PIK3C3: variants seen among roughly 807,000 people sequenced by gnomAD.
The protein encoded by PIK3C3 is PI3-kinase type 3.
A neutral mutation model predicts 126.1 loss-of-function variants in PIK3C3; 95 were observed. That is an observed-to-expected ratio of 0.75 (90% CI 0.64 to 0.89). PIK3C3 has a LOEUF of 0.89. PIK3C3 is among the 40% of genes least tolerant of loss of function. PIK3C3 has a pLI of 0.00. For synonymous variants in PIK3C3, 374 were observed against 360.0 expected, an observed-to-expected ratio of 1.04 and a Z score of -0.44; for missense variants, 829 against 1,063.2, an observed-to-expected ratio of 0.78 and a Z score of 3.06.
At chr18:42,021,805 T>G (rs914753480) in intron 13 of PIK3C3, among the ~76,000 whole-genome samples, 1 of 152,172 alleles carries the variant, frequency 6.6e-6, no homozygotes, top group Non-Finnish European at 1.5e-5. Flanking sequence ...AAATGCTCTT[T>G]GGAGCATTTC....
chr18:42,029,225 A>AT (rs1983708992), intron 14 of PIK3C3, 100 bp from the exon 15 acceptor site: 1 of 744,830 alleles, frequency 1.3e-6, no homozygotes, highest in Non-Finnish European at 2.4e-6. Context: ...ATTTAAGTTT[A>AT]TAACTGTGAG....
rs375558824 is a variant in PIK3C3 at position 42,076,165 on chromosome 18, C to CATAT, written c.2650-4949_2650-4946dup. On this transcript the variant is annotated intron_variant, in intron 24 of 24. Coordinates refer to ENST00000262039, the MANE Select transcript of PIK3C3 (RefSeq NM_002647.4). The stretch of plus-strand genomic sequence containing the variant: ...ATATGCGCATATATATATATATGCA[C>CATAT]ATATATATATATGCACATATATATA... 5.0e-4 allele frequency among the ~76,000 whole-genome samples: 52 copies of CATAT among 103,670 alleles called. 2 individuals are homozygous for CATAT. Among genetic ancestry groups the CATAT allele is most frequent in the South Asian group, 2.4e-3 (8 of 3,318 alleles). The allele number at this position is 103,670 out of a possible 152,430, so 68.0% of individuals were successfully genotyped here.
chr18:41,969,732 G>A (rs1007321765), intron 3 of PIK3C3, among the ~76,000 whole-genome samples: 2 of 152,150 alleles, frequency 1.3e-5, no homozygotes, highest in African/African-American at 4.8e-5. Flanking sequence ...ACTGTTCTAA[G>A]TACTTTTTAC....
intron 2 of PIK3C3, among the ~76,000 whole-genome samples, chr18:41,960,614 A>G (rs372318827): frequency 2.6e-5 from 4 of 152,272 alleles, no homozygotes; most frequent in African/African-American, 7.2e-5. Flanking sequence ...GGTAGGGATG[A>G]TTCGTGAAGA....
chr18:42,018,702 C>T (rs1436336723), intron 12 of PIK3C3, among the ~76,000 whole-genome samples: 1 of 152,122 alleles, frequency 6.6e-6, no homozygotes, highest in Non-Finnish European at 1.5e-5. Flanking sequence ...TTTCATTATT[C>T]ATCAGCTCCC....
chr18:42,027,709 C>G (rs1366639768), intron 14 of PIK3C3, among the ~76,000 whole-genome samples, 161 bp downstream of exon 14: 1 of 152,102 alleles, frequency 6.6e-6, no homozygotes, highest in Non-Finnish European at 1.5e-5. Context: ...GGCCGGAGTA[C>G]AGTGGTGCCA....
At chr18:42,026,121 T>G (rs949476175) in intron 13 of PIK3C3, 3 of 152,188 alleles carry the variant, frequency 2.0e-5, no homozygotes, top group South Asian at 4.1e-4. Context: ...GAAAGTCAAC[T>G]TAGTAAAATC....
intron 16 of PIK3C3, among the ~76,000 whole-genome samples, chr18:42,037,147 T>C (rs185634702): frequency 1.4e-3 from 209 of 152,338 alleles, no homozygotes; most frequent in African/African-American, 4.8e-3. Context: ...ATTTCTGTTA[T>C]GGGATACTCA....
At chr18:42,070,052 C>T (rs74874330) in intron 24 of PIK3C3, among the ~76,000 whole-genome samples, 1,648 of 152,282 alleles carry the variant, frequency 0.011, 29 homozygotes, top group African/African-American at 0.038. Context: ...CAAAGCTTCA[C>T]TCAATAGGTC....
chr18:42,020,941 G>A (rs529576989), intron 13 of PIK3C3, among the ~76,000 whole-genome samples: 1 of 152,234 alleles, frequency 6.6e-6, no homozygotes, highest in East Asian at 1.9e-4. Context: ...GATATAACTG[G>A]GGAGGGTAAT....
intron 17 of PIK3C3, among the ~76,000 whole-genome samples, chr18:42,038,040 A>T (rs544452783): frequency 6.6e-6 from 1 of 151,972 alleles, no homozygotes; most frequent in South Asian, 2.1e-4. Flanking sequence ...TGTTCCATTA[A>T]TTTTTTTTCC....
At chr18:42,029,082 C>T (rs929156233) in intron 14 of PIK3C3, among the ~76,000 whole-genome samples, 4 of 152,066 alleles carry the variant, frequency 2.6e-5, no homozygotes, top group Non-Finnish European at 5.9e-5. Flanking sequence ...GAAAAAAATG[C>T]GGTTGTAGAT....
chr18:41,989,700 A>G (rs1412895139), intron 5 of PIK3C3, among the ~76,000 whole-genome samples: 5 of 152,152 alleles, frequency 3.3e-5, no homozygotes, highest in African/African-American at 7.2e-5. Context: ...TCGGTGTGCT[A>G]TAGGCTATAC....
In PIK3C3 at chr18:41,962,559, A is replaced by T. The variant is rs143755535; in HGVS notation, c.328A>T (p.Ile110Leu). 1 of 1,613,758 alleles carries T rather than the reference A, an allele frequency of 6.2e-7. No individual in the cohort carries two copies. The highest frequency in any genetic ancestry group is 1.3e-5 in the African/African-American group (1 of 74,908). ...CAGGAATGCCCAAGTGGCCCTCACCATATGGGATGTGTATGGTCCCGGAAA... is the reference window on the plus strand; with the variant it reads ...CAGGAATGCCCAAGTGGCCCTCACCTTATGGGATGTGTATGGTCCCGGAAA... ...LPRNAQVALT[I>L]WDVYGPGKAV... is the part of the protein sequence containing the mutation. The change falls in exon 3 of 25, where the codon ATA (isoleucine) becomes TTA (leucine). Residue 110 changes from isoleucine (I) to leucine (L), a missense_variant. This residue lies in a region of PIK3C3 where 313 missense variants were observed against 340.7 expected (regional missense o/e 0.92). Transcript: ENST00000262039.
chr18:42,040,494 GT>G (rs1039890347), intron 18 of PIK3C3, among the ~76,000 whole-genome samples, 182 bp from the exon 19 acceptor site: 3 of 151,754 alleles, frequency 2.0e-5, no homozygotes, highest in Non-Finnish European at 4.4e-5. Flanking sequence ...AAAAAAAAAA[GT>G]TTTCTTACAG....
Position 41,957,584 on chromosome 18 carries a change from GGAAGAGA to G in PIK3C3, c.87_93del (p.Lys29AsnfsTer14), listed in dbSNP as rs1979848033. On this transcript the variant is annotated frameshift_variant, in exon 2 of 25. Coordinates refer to ENST00000262039, the MANE Select transcript of PIK3C3 (RefSeq NM_002647.4). LOFTEE classifies it high-confidence loss of function. ...TGTGCTTTCAGAGGAAGCTTGGAAG[GGAAGAGA>G]GAACAAAAGAGTTATAAAGCTGTCC... 1 of 1,607,914 alleles carries G rather than the reference GGAAGAGA, an allele frequency of 6.2e-7. No homozygotes were observed.
At chr18:42,012,349 A>G (rs1413665930) in intron 10 of PIK3C3, among the ~76,000 whole-genome samples, 2 of 152,158 alleles carry the variant, frequency 1.3e-5, no homozygotes, top group African/African-American at 2.4e-5. Flanking sequence ...AGTTGTTACA[A>G]ATAGGAAAGT....
At chr18:42,055,376 G>T (rs1201217042) in intron 21 of PIK3C3, among the ~76,000 whole-genome samples, 1 of 152,024 alleles carries the variant, frequency 6.6e-6, no homozygotes, top group Non-Finnish European at 1.5e-5. Context: ...ATATTGTAAG[G>T]GTTTAAGTAA....
Position 41,970,463 on chromosome 18 carries a change from A to G in PIK3C3, c.531+7A>G. The G allele has an allele frequency of 1.2e-6, 2 of 1,613,550 alleles. No individual in the cohort carries two copies. The highest frequency in any genetic ancestry group is 2.2e-5 in the South Asian group (2 of 91,078). On this transcript the variant is annotated splice_region_variant and intron_variant, in intron 4 of 24. Transcript: ENST00000262039. The stretch of plus-strand genomic sequence containing the variant: ...GATGAGCCGTCTTGCCAAGGTAAAA[A>G]AAGTCATTTGGAACAGGTGCAAAGC...
Sources: gnomAD v4.1 joint callset for allele counts (sites outside exome capture counted in the v4.1 genomes callset) on GRCh38, gnomAD v4.1.1 for gene constraint, gnomAD v4.1.1 regional missense constraint, MANE v1.5 for transcripts, NCBI Gene and HGNC (gene_info 2026-07-23, HGNC 2026-07-21) for gene names.